Variants in RBMS1 observed in about 807,000 individuals in gnomAD.
RBMS1 encodes RNA binding motif single stranded interacting protein 1.
In RBMS1, 17 loss-of-function variants were observed where a neutral mutation model predicts 62.3. That is an observed-to-expected ratio of 0.27 (90% CI 0.19 to 0.41). RBMS1 has a LOEUF of 0.41. Among genes scored for constraint, RBMS1 ranks in the 10% least tolerant of loss-of-function variants. The pLI is 1.00. For synonymous variants in RBMS1, 172 were observed against 170.0 expected, an observed-to-expected ratio of 1.01 and a Z score of -0.09; for missense variants, 334 against 504.5, an observed-to-expected ratio of 0.66 and a Z score of 3.24.
rs564312887 is a variant in RBMS1, at chr2:160,276,667, T to G, written c.1143+636A>C. 2.2e-4 allele frequency: 33 copies of G among 152,356 alleles called. 1 individual carries two copies. The highest frequency in any genetic ancestry group is 1.5e-3 in the Admixed American group (23 of 15,302). The allele number at this position is 152,356 out of a possible 1,614,324, so 9.4% of individuals were successfully genotyped here. Reference sequence around the variant, plus strand: ...AGCCTCTGTAAAAACAGCTATAGCTTCTTCTTCATCCCTGTAGCAGTTTCA... The same window carrying G: ...AGCCTCTGTAAAAACAGCTATAGCTGCTTCTTCATCCCTGTAGCAGTTTCA... On this transcript the variant is annotated intron_variant, in intron 12 of 13. Transcript: ENST00000348849.
chr2:160,336,457 T>C (rs1691575926), intron 2 of RBMS1, among the ~76,000 whole-genome samples: 1 of 152,050 alleles, frequency 6.6e-6, no homozygotes. Context: ...ACACAGACCA[T>C]GAAGAAACCA....
chr2:160,305,833 A>G (rs1689473414), intron 4 of RBMS1, among the ~76,000 whole-genome samples: 1 of 152,124 alleles, frequency 6.6e-6, no homozygotes, highest in Admixed American at 6.5e-5. Flanking sequence ...AATGTTACAG[A>G]AGAAACACAT....
intron 1 of RBMS1, among the ~76,000 whole-genome samples, chr2:160,480,816 T>C (rs1031796045): frequency 2.6e-5 from 4 of 151,990 alleles, no homozygotes; most frequent in Non-Finnish European, 5.9e-5. Context: ...AGGATACATA[T>C]GAAACAGAGC....
At chr2:160,412,647 G>A (rs990198952) in intron 1 of RBMS1, among the ~76,000 whole-genome samples, 5 of 152,190 alleles carry the variant, frequency 3.3e-5, no homozygotes, top group Non-Finnish European at 7.3e-5. Flanking sequence ...ATAAGTGCCA[G>A]GCAAGTGTTC....
chr2:160,284,382 T>C, intron 9 of RBMS1: 1 of 208,904 alleles, frequency 4.8e-6, no homozygotes, highest in East Asian at 1.2e-4. Context: ...ATACTTGTTC[T>C]TTTATCAGTT....
chr2:160,417,752 A>C (rs1160787014), intron 1 of RBMS1, among the ~76,000 whole-genome samples: 2 of 152,250 alleles, frequency 1.3e-5, no homozygotes, highest in Non-Finnish European at 2.9e-5. Flanking sequence ...CACAGCATGC[A>C]AATGCATATC....
At chr2:160,370,365 T>G (rs1693657056) in intron 1 of RBMS1, among the ~76,000 whole-genome samples, 1 of 152,220 alleles carries the variant, frequency 6.6e-6, no homozygotes, top group South Asian at 2.1e-4. Flanking sequence ...CCGGGCGCAG[T>G]GGCTCACGCC....
rs769707071 is a variant in RBMS1, at chr2:160,285,095, A to T, written c.757-51T>A. On this transcript the variant is annotated intron_variant, in intron 7 of 13. Transcript: ENST00000348849. ...ACATTCATCTAGAAAGGCATGATTTAAAAATTCTATTTTTAGCCAGGTGTG... is the reference window on the plus strand; with the variant it reads ...ACATTCATCTAGAAAGGCATGATTTTAAAATTCTATTTTTAGCCAGGTGTG... 1.1e-5 allele frequency: 17 copies of T among 1,567,756 alleles called. No individual in the cohort carries two copies. In the South Asian group the frequency reaches 1.6e-4, roughly 14 times the overall value.
Position 160,367,362 on chromosome 2 carries a change from G to A in RBMS1, c.105C>T (p.Ala35=), listed in dbSNP as rs747984849. The change falls in exon 2 of 14, where the codon GCC becomes GCT. Residue 35 remains alanine (A), a synonymous_variant. Coordinates refer to ENST00000348849, the MANE Select transcript of RBMS1 (RefSeq NM_016836.4). ...TGCTGGTGGTGCTGGGACTGGGAGG[G>A]GCCATGGGGTGGGCTGGGACCAGAG... ...KQSLVPAHPM[A]PPSPSTTSSN... 1.9e-6 allele frequency: 3 copies of A among 1,613,986 alleles called. No homozygotes were observed. Among genetic ancestry groups the A allele is most frequent in the Non-Finnish European group, 1.7e-6 (2 of 1,179,968 alleles).
intron 1 of RBMS1, among the ~76,000 whole-genome samples, chr2:160,382,832 C>T (rs1573970362): frequency 1.3e-5 from 2 of 151,646 alleles, no homozygotes. Flanking sequence ...ACAACACTAA[C>T]GTAGTTTACT....
intron 1 of RBMS1, among the ~76,000 whole-genome samples, chr2:160,418,701 A>G (rs59566458): frequency 0.12 from 18,795 of 152,136 alleles, 2,232 homozygotes; most frequent in African/African-American, 0.31. Flanking sequence ...GAAACAAACC[A>G]GCCAATTTAT....
chr2:160,474,676 AAG>A (rs1273702400), intron 1 of RBMS1, among the ~76,000 whole-genome samples: 1 of 152,232 alleles, frequency 6.6e-6, no homozygotes, highest in Non-Finnish European at 1.5e-5. Context: ...TATGTACAGG[AAG>A]AGTCATTTCA....
chr2:160,398,805 G>C (rs1339333461), intron 1 of RBMS1, among the ~76,000 whole-genome samples: 1 of 152,112 alleles, frequency 6.6e-6, no homozygotes, highest in Non-Finnish European at 1.5e-5. Context: ...TTTACGACTA[G>C]AAGCCTACGA....
chr2:160,317,878 C>T (rs1004423263), intron 3 of RBMS1, among the ~76,000 whole-genome samples: 1 of 152,166 alleles, frequency 6.6e-6, no homozygotes, highest in Non-Finnish European at 1.5e-5. Flanking sequence ...TCTAACTCTA[C>T]TCCCCTTTTA....
chr2:160,311,232 C>CTATATATATATATATA (rs10530445), intron 4 of RBMS1, among the ~76,000 whole-genome samples: 18 of 79,244 alleles, frequency 2.3e-4, no homozygotes, highest in African/African-American at 5.7e-4. Flanking sequence ...ATCTATCTAT[C>CTATATATATATATATA]TATATATATA....
chr2:160,449,135 C>T (rs1314270088), intron 1 of RBMS1, among the ~76,000 whole-genome samples: 2 of 151,738 alleles, frequency 1.3e-5, no homozygotes, highest in East Asian at 3.9e-4. Context: ...CCCCTCCGCC[C>T]GGCAGCCGCC....
chr2:160,416,346 G>A (rs1696208219), intron 1 of RBMS1, among the ~76,000 whole-genome samples: 1 of 151,644 alleles, frequency 6.6e-6, no homozygotes, highest in Non-Finnish European at 1.5e-5. Flanking sequence ...CAAATACAAT[G>A]TTTCAAACAA....
intron 1 of RBMS1, among the ~76,000 whole-genome samples, chr2:160,479,107 C>T (rs1685259944): frequency 6.6e-6 from 1 of 152,214 alleles, no homozygotes; most frequent in Non-Finnish European, 1.5e-5. Context: ...GATAGAGAAA[C>T]TTTACCAAGA....
chr2:160,375,621 A>T (rs934599053), intron 1 of RBMS1, among the ~76,000 whole-genome samples: 3 of 152,182 alleles, frequency 2.0e-5, no homozygotes, highest in Non-Finnish European at 4.4e-5. Flanking sequence ...TTCTATATAA[A>T]AGGACCCTGT....
Sources: gnomAD v4.1 joint callset for allele counts (sites outside exome capture counted in the v4.1 genomes callset) on GRCh38, gnomAD v4.1.1 for gene constraint, MANE v1.5 for transcripts, NCBI Gene and HGNC (gene_info 2026-07-23, HGNC 2026-07-21) for gene names.